C8orf34: variants seen among roughly 807,000 people sequenced by gnomAD.
C8orf34 encodes uncharacterized protein C8orf34.
A neutral mutation model predicts 68.3 loss-of-function variants in C8orf34; 65 were observed. The ratio of observed to expected loss-of-function variants is 0.95; its 90% CI spans 0.78 to 1.17. The LOEUF is 1.17. Ranked by LOEUF, C8orf34 falls within the 50% of genes most tolerant of loss-of-function variation. C8orf34 has a pLI of 0.00. For synonymous variants in C8orf34, 244 were observed against 241.2 expected (o/e 1.01, Z -0.11); for missense variants, 664 against 655.4 (o/e 1.01, Z -0.14).
chr8:68,787,512 G>T lies in C8orf34; in HGVS notation c.1525G>T (p.Gly509Ter). 1 of 1,611,288 alleles carries T rather than the reference G, an allele frequency of 6.2e-7. No homozygotes were observed. The highest frequency in any genetic ancestry group is 8.5e-7 in the Non-Finnish European group (1 of 1,178,208). Residue 509 changes from glycine to a stop codon, truncating the protein, a stop_gained, in exon 12 of 14, where the codon GGA (glycine) becomes TGA (stop). Coordinates refer to ENST00000518698, the MANE Select transcript of C8orf34 (RefSeq NM_052958.4). LOFTEE classifies it high-confidence loss of function. ...CTTGCCAAGTGACACAGAAAGTGAA[G>T]GAGTGGAAGCAGAACAAGAGAAACG... ...WILPSDTESE[G>*]VEAEQEKRSA... is the part of the protein sequence containing the mutation.
intron 7 of C8orf34, among the ~76,000 whole-genome samples, chr8:68,631,010 A>T (rs1034730433): frequency 6.7e-6 from 1 of 149,434 alleles, no homozygotes; most frequent in South Asian, 2.1e-4. Flanking sequence ...CATGCCTGTA[A>T]TCCCAGCACT....
At chr8:68,509,055 C>A (rs1225457576) in intron 5 of C8orf34, among the ~76,000 whole-genome samples, 1 of 152,090 alleles carries the variant, frequency 6.6e-6, no homozygotes, top group East Asian at 1.9e-4. Context: ...TTTCTGGGGA[C>A]CCCTCTCCCA....
chr8:68,582,989 T>C (rs1817110657), intron 7 of C8orf34, among the ~76,000 whole-genome samples: 1 of 152,124 alleles, frequency 6.6e-6, no homozygotes, highest in Non-Finnish European at 1.5e-5. Flanking sequence ...CATCCTTCTT[T>C]TCTTCTTTGT....
chr8:68,731,919 T>G (rs1288342556), intron 10 of C8orf34, among the ~76,000 whole-genome samples: 1 of 152,266 alleles, frequency 6.6e-6, no homozygotes, highest in Admixed American at 6.5e-5. Flanking sequence ...ACAGAAATGC[T>G]GGGACCTCAG....
intron 1 of C8orf34, among the ~76,000 whole-genome samples, chr8:68,336,729 TCCATTAAGTAGAA>T (rs1305576846): frequency 6.6e-6 from 1 of 152,190 alleles, no homozygotes; most frequent in East Asian, 1.9e-4. Flanking sequence ...AATACCATTC[TCCATTAAGTAGAA>T]CCAGGTGTCC....
At chr8:68,407,926 T>C (rs1413563681) in intron 1 of C8orf34, among the ~76,000 whole-genome samples, 2 of 152,180 alleles carry the variant, frequency 1.3e-5, no homozygotes, top group Non-Finnish European at 2.9e-5. Context: ...TCCTGTTTTA[T>C]AAAAGGAACA....
chr8:68,738,615 C>T (rs921470754), intron 10 of C8orf34, among the ~76,000 whole-genome samples: 40 of 151,912 alleles, frequency 2.6e-4, no homozygotes, highest in African/African-American at 8.9e-4. Context: ...TATCACTCAC[C>T]CCACAGAAAT....
chr8:68,599,673 A>C (rs1817643321), intron 7 of C8orf34, among the ~76,000 whole-genome samples: 1 of 152,104 alleles, frequency 6.6e-6, no homozygotes, highest in Non-Finnish European at 1.5e-5. Flanking sequence ...ATAAATGCTA[A>C]AACTCTAAAA....
intron 1 of C8orf34, among the ~76,000 whole-genome samples, chr8:68,348,695 A>G (rs1476031084): frequency 6.6e-6 from 1 of 151,904 alleles, no homozygotes; most frequent in African/African-American, 2.4e-5. Flanking sequence ...GGTTAGCTGT[A>G]TTCCTAAGTA....
intron 4 of C8orf34, among the ~76,000 whole-genome samples, chr8:68,473,098 G>C (rs1040286815): frequency 2.6e-5 from 4 of 152,078 alleles, no homozygotes; most frequent in African/African-American, 9.7e-5. Flanking sequence ...GTAAATACCC[G>C]AGGTTCATTG....
chr8:68,663,343 ACTT>A (rs1488991311), intron 8 of C8orf34, among the ~76,000 whole-genome samples: 9 of 152,172 alleles, frequency 5.9e-5, no homozygotes, highest in African/African-American at 2.2e-4. Flanking sequence ...ATGTTATTAA[ACTT>A]CTGTTTGTTT....
At chr8:68,350,452 T>C (rs1050058887) in intron 1 of C8orf34, among the ~76,000 whole-genome samples, 12 of 152,042 alleles carry the variant, frequency 7.9e-5, no homozygotes, top group African/African-American at 2.7e-4. Context: ...CAGATCCATT[T>C]GGTCCAATAT....
At chr8:68,489,327 G>T (rs1177463712) in intron 5 of C8orf34, among the ~76,000 whole-genome samples, 1 of 152,086 alleles carries the variant, frequency 6.6e-6, no homozygotes, top group Admixed American at 6.6e-5. Context: ...TGGCTTGGGG[G>T]CTAGATAGAT....
chr8:68,814,144 C>G (rs12674643), intron 12 of C8orf34, among the ~76,000 whole-genome samples: 1 of 152,162 alleles, frequency 6.6e-6, no homozygotes, highest in Non-Finnish European at 1.5e-5. Context: ...AAGGTCTGTG[C>G]TACACTGAAC....
At chr8:68,794,506 T>TA (rs58048066) in intron 12 of C8orf34, among the ~76,000 whole-genome samples, 1,064 of 58,750 alleles carry the variant, frequency 0.018, 7 homozygotes, top group African/African-American at 0.043. Context: ...TATATATATA[T>TA]TTTTTTTTTT....
In C8orf34 at chr8:68,595,013, T is replaced by G. The variant is rs193204525; in HGVS notation, c.1106-45363T>G. Among the ~76,000 whole-genome samples, 8 of 152,048 alleles carry G rather than the reference T, an allele frequency of 5.3e-5. No homozygotes were observed. In the East Asian group the frequency reaches 1.6e-3, roughly 30 times the overall value. On this transcript the variant is annotated intron_variant, in intron 7 of 13. Coordinates refer to ENST00000518698, the MANE Select transcript of C8orf34 (RefSeq NM_052958.4). ...TTATCTTTTCCTATCACTTTTGAGCTAAGGCAAGTGTTTTTGCTTGCTCTC... is the reference window on the plus strand; with the variant it reads ...TTATCTTTTCCTATCACTTTTGAGCGAAGGCAAGTGTTTTTGCTTGCTCTC...
At chr8:68,713,325 G>A (rs565787289) in intron 9 of C8orf34, among the ~76,000 whole-genome samples, 1 of 151,828 alleles carries the variant, frequency 6.6e-6, no homozygotes, top group South Asian at 2.1e-4. Flanking sequence ...ACGAAGATCA[G>A]AGGAGAACTA....
At chr8:68,641,487 A>G (rs1819009985) in intron 8 of C8orf34, among the ~76,000 whole-genome samples, 1 of 152,232 alleles carries the variant, frequency 6.6e-6, no homozygotes, top group African/African-American at 2.4e-5. Context: ...ATTGCTTCAG[A>G]CAAGTAATAT....
chr8:68,466,760 T>G (rs951969784), intron 3 of C8orf34, among the ~76,000 whole-genome samples: 1 of 145,402 alleles, frequency 6.9e-6, no homozygotes, highest in African/African-American at 2.6e-5. Context: ...TATATATATA[T>G]ATATAGATGC....
Sources: gnomAD v4.1 joint callset for allele counts (sites outside exome capture counted in the v4.1 genomes callset) on GRCh38, gnomAD v4.1.1 for gene constraint, MANE v1.5 for transcripts, NCBI Gene and HGNC (gene_info 2026-07-23, HGNC 2026-07-21) for gene names.